Variants in PPIL2 observed in about 807,000 individuals in gnomAD.
The protein encoded by PPIL2 is peptidylprolyl isomerase like 2.
Under a neutral mutation model 75.2 loss-of-function variants are expected in PPIL2, and 50 were observed. That is an observed-to-expected ratio of 0.66 (90% CI 0.53 to 0.84). The LOEUF (loss-of-function observed/expected upper bound fraction) is 0.84, where lower values mean the gene tolerates loss of function less well. PPIL2 is among the 40% of genes least tolerant of loss of function. The probability of loss-of-function intolerance (pLI) is 0.00; values close to 1 mark genes in which losing one functional copy is unlikely to be tolerated. For synonymous variants in PPIL2, 245 were observed against 258.8 expected (o/e 0.95, Z 0.51); for missense variants, 590 against 685.0 (o/e 0.86, Z 1.55).
At chr22:21,669,408 C>A in intron 1 of PPIL2, 1 of 450,480 alleles carries the variant, frequency 2.2e-6, no homozygotes, top group Non-Finnish European at 4.5e-6. Flanking sequence ...CTTGGCCTCC[C>A]AAACTGTTGG....
chr22:21,684,257 C>G (rs1360803940), intron 9 of PPIL2, among the ~76,000 whole-genome samples: 2 of 149,324 alleles, frequency 1.3e-5, no homozygotes, highest in South Asian at 4.3e-4. Flanking sequence ...CTTTGGGAGG[C>G]TGAGGCAGGC....
chr22:21,671,168 C>T (rs2066618380), intron 4 of PPIL2, 109 bp downstream of exon 4: 1 of 1,098,544 alleles, frequency 9.1e-7, no homozygotes, highest in Non-Finnish European at 1.4e-6. Context: ...ACAGAAGTAA[C>T]AGCTAGGGCC....
In PPIL2 at chr22:21,696,400, C is replaced by A. The variant is rs2067932917; in HGVS notation, c.*910C>A. On this transcript the variant is annotated 3_prime_UTR_variant, in exon 20 of 20. Coordinates refer to ENST00000398831, the MANE Select transcript of PPIL2 (RefSeq NM_014337.4). The stretch of plus-strand genomic sequence containing the variant: ...TCTCCCCGCCCTCCTGCTGAAGTGG[C>A]CTTGCTGCTCTCAGGCCCGGCCACT... 2 of 1,162,220 alleles carry A rather than the reference C, an allele frequency of 1.7e-6. No homozygotes were observed. Among genetic ancestry groups the A allele is most frequent in the Non-Finnish European group, 2.1e-6 (2 of 933,432 alleles). 72.0% of individuals were successfully genotyped at this position (1,162,220 alleles called of 1,614,324 possible).
chr22:21,683,077 C>T lies in PPIL2; in HGVS notation c.478-105C>T, dbSNP rs1000081292. On this transcript the variant is annotated intron_variant, in intron 8 of 19. Transcript: ENST00000398831. ...TGACTCCCCCAACCTCAGTGTAGCC[C>T]TGGCCTCTTCCACACCTCTGACAGC... The T allele has an allele frequency of 3.1e-6, 3 of 969,072 alleles. No homozygotes were observed. In the African/African-American group the frequency reaches 4.8e-5, roughly 15 times the overall value. 60.0% of individuals were successfully genotyped at this position (969,072 alleles called of 1,614,324 possible). A position where few individuals can be genotyped will look rare whatever the true frequency, so the allele number is the denominator to read the frequency against.
intron 15 of PPIL2, among the ~76,000 whole-genome samples, chr22:21,693,357 A>T (rs1489152089): frequency 6.6e-6 from 1 of 152,118 alleles, no homozygotes; most frequent in Non-Finnish European, 1.5e-5. Flanking sequence ...CGACCTGAGC[A>T]TTTTCTTAGT....
At chr22:21,683,393 T>C (rs1460932281) in intron 9 of PPIL2, 136 bp downstream of exon 9, 1 of 727,348 alleles carries the variant, frequency 1.4e-6, no homozygotes, top group Non-Finnish European at 2.3e-6. Context: ...TCTGAACTAG[T>C]GTTCAGAGAA....
At chr22:21,678,873 T>A (rs1386790083) in intron 6 of PPIL2, among the ~76,000 whole-genome samples, 1 of 150,226 alleles carries the variant, frequency 6.7e-6, no homozygotes, top group Admixed American at 6.7e-5. Flanking sequence ...ACCACAGGCA[T>A]GTACTACCAT....
chr22:21,673,642 T>C (rs532337151), intron 5 of PPIL2: 32 of 152,392 alleles, frequency 2.1e-4, no homozygotes, highest in African/African-American at 7.7e-4. Context: ...CCAGGCATCA[T>C]GTTGGGGTGA....
chr22:21,694,844 G>A (rs1397022449), intron 18 of PPIL2, 27 bp downstream of exon 18: 1 of 1,591,276 alleles, frequency 6.3e-7, no homozygotes, highest in Non-Finnish European at 8.6e-7. Flanking sequence ...CCACCACCTA[G>A]GAGGGTCTGG....
intron 8 of PPIL2, 66 bp from the exon 9 acceptor site, chr22:21,683,116 C>A: frequency 2.2e-6 from 3 of 1,365,054 alleles, no homozygotes; most frequent in Non-Finnish European, 3.1e-6. Context: ...CCGTCCTTTG[C>A]TGCATGTGGC....
intron 15 of PPIL2, among the ~76,000 whole-genome samples, chr22:21,691,151 C>T (rs1384138587): frequency 6.6e-5 from 10 of 151,552 alleles, no homozygotes; most frequent in Admixed American, 6.6e-4. Flanking sequence ...ACCATGTTGG[C>T]CAGGCTGGTC....
downstream of PPIL2, chr22:21,699,971 A>G (rs1333132909): frequency 6.6e-6 from 1 of 152,342 alleles, no homozygotes; most frequent in Non-Finnish European, 1.5e-5. Context: ...TGCTTTCTAG[A>G]TAAGGAATCT....
downstream of PPIL2, chr22:21,697,970 A>G (rs1195367997): frequency 6.6e-6 from 1 of 152,370 alleles, no homozygotes; most frequent in Non-Finnish European, 1.5e-5. Flanking sequence ...GGTATAAAAA[A>G]TACTGTGTGT....
intron 15 of PPIL2, among the ~76,000 whole-genome samples, chr22:21,690,832 G>C (rs1016843654): frequency 1.3e-5 from 2 of 152,170 alleles, no homozygotes; most frequent in African/African-American, 2.4e-5. Flanking sequence ...TTTTCAAGTA[G>C]GTTGGGTGCG....
intron 6 of PPIL2, among the ~76,000 whole-genome samples, chr22:21,680,486 AC>A (rs2067067803): frequency 6.6e-6 from 1 of 151,630 alleles, no homozygotes; most frequent in Non-Finnish European, 1.5e-5. Flanking sequence ...AGCCGAGATC[AC>A]GCTACTGCAC....
intron 5 of PPIL2, among the ~76,000 whole-genome samples, chr22:21,672,916 T>C (rs2066691594): frequency 2.0e-5 from 3 of 152,212 alleles, no homozygotes; most frequent in Non-Finnish European, 1.5e-5. Flanking sequence ...CTGGACAATA[T>C]GACCCTCCCT....
intron 4 of PPIL2, 122 bp from the exon 5 acceptor site, chr22:21,672,208 T>A (rs1384602468): frequency 2.6e-6 from 2 of 775,178 alleles, no homozygotes; most frequent in African/African-American, 3.4e-5. Context: ...CTTCCTCTCC[T>A]AAAGTGAAGC....
At chr22:21,677,541 A>G (rs2066926544) in intron 6 of PPIL2, among the ~76,000 whole-genome samples, 1 of 152,212 alleles carries the variant, frequency 6.6e-6, no homozygotes, top group Non-Finnish European at 1.5e-5. Flanking sequence ...CCCAAAAAAT[A>G]CGAAAACCAG....
intron 1 of PPIL2, among the ~76,000 whole-genome samples, chr22:21,667,951 A>G (rs1015063906): frequency 8.6e-5 from 13 of 151,532 alleles, no homozygotes; most frequent in African/African-American, 3.2e-4. Flanking sequence ...TAATTTTTGT[A>G]TTTTTAGTAG....
Sources: allele counts gnomAD v4.1 joint callset (sites outside exome capture counted in the v4.1 genomes callset), GRCh38; gene constraint gnomAD v4.1.1; transcripts MANE v1.5; gene names NCBI Gene and HGNC (gene_info 2026-07-23, HGNC 2026-07-21).